The following DNAH2 variants were observed in gnomAD, a reference collection of about 807,000 sequenced individuals.
DNAH2 encodes dynein axonemal heavy chain 2, also known as axonemal beta dynein heavy chain 2.
In DNAH2, 323 loss-of-function variants were observed where a neutral mutation model predicts 523.5. That is an observed-to-expected ratio of 0.62 (90% CI 0.56 to 0.68). The LOEUF (loss-of-function observed/expected upper bound fraction) is 0.68. Among genes scored for constraint, DNAH2 ranks in the 30% least tolerant of loss-of-function variants. The pLI is 0.00. For missense variants in DNAH2, 4,907 were observed against 5,701.5 expected (o/e 0.86, Z 4.49); for synonymous variants, 2,093 against 2,177.4 (o/e 0.96, Z 1.08).
rs754090274 is a variant in DNAH2, at chr17:7,824,320, T to C, written c.11662+16T>C. 5.3e-6 allele frequency: 8 copies of C among 1,504,656 alleles called. No homozygotes were observed. The highest frequency in any genetic ancestry group is 2.3e-4 in the Middle Eastern group (1 of 4,418). 93.2% of individuals were successfully genotyped at this position (1,504,656 alleles called of 1,614,324 possible). ...GTGACTCAGGGTTGGTGTCCATCCT[T>C]TCTTCCACCCCCATCTTCAGCCCAG... On this transcript the variant is annotated intron_variant, in intron 76 of 85. Coordinates refer to ENST00000572933, the MANE Select transcript of DNAH2 (RefSeq NM_020877.5).
At chr17:7,737,756 C>T (rs564315628) in intron 8 of DNAH2, among the ~76,000 whole-genome samples, 22 of 152,186 alleles carry the variant, frequency 1.4e-4, no homozygotes, top group African/African-American at 5.1e-4. Context: ...TGGGCTGAGG[C>T]AGAGTAAGGG....
At position 7,830,682 on chromosome 17, in the gene DNAH2, T is replaced by C; in HGVS notation, c.12070T>C (p.Tyr4024His). The C allele has an allele frequency of 6.2e-7, 1 of 1,614,214 alleles. No individual in the cohort carries two copies. The highest frequency in any genetic ancestry group is 1.3e-5 in the African/African-American group (1 of 75,054). The change falls in exon 79 of 86, where the codon TAT (tyrosine) becomes CAT (histidine). Residue 4024 changes from tyrosine to histidine, a missense_variant. Around this residue, in one of 3 missense-constraint regions of DNAH2, gnomAD observed 1,851 missense variants for 2,139.4 expected, o/e 0.87. Coordinates refer to ENST00000572933, the MANE Select transcript of DNAH2 (RefSeq NM_020877.5). ...GGTGTCAGAAAACTTGCTGAGCCTC[T>C]ATCTCGATGAGTACGAGGAGACACC... is the stretch of plus-strand genomic sequence containing the variant. The part of the protein sequence containing the change: ...FEVSENLLSL[Y>H]LDEYEETPWD...
chr17:7,774,350 T>C (rs889188568), intron 28 of DNAH2, among the ~76,000 whole-genome samples: 7 of 152,034 alleles, frequency 4.6e-5, no homozygotes, highest in African/African-American at 1.4e-4. Flanking sequence ...AGCAGGATGG[T>C]GAGAGATTGC....
At chr17:7,808,411 C>T (rs1029916963) in intron 63 of DNAH2, among the ~76,000 whole-genome samples, 1 of 150,964 alleles carries the variant, frequency 6.6e-6, no homozygotes, top group Non-Finnish European at 1.5e-5. Flanking sequence ...GACTCCTGAA[C>T]CAGGCAGAAT....
chr17:7,817,388 G>C lies in DNAH2; in HGVS notation c.9993G>C (p.Glu3331Asp). The change falls in exon 65 of 86, where the codon GAG (glutamate) becomes GAC (aspartate). Residue 3331 changes from glutamate to aspartate, a missense_variant. Coordinates refer to ENST00000572933, the MANE Select transcript of DNAH2 (RefSeq NM_020877.5). The part of the protein sequence containing the change: ...MGPFLTNYRD[E>D]IVNQIWIGKI... ...CCTTCCTGACCAACTACCGGGATGA[G>C]ATTGTCAACCAAATCTGGATCGGGA... is the stretch of plus-strand genomic sequence containing the variant. 1 of 1,613,878 alleles carries C rather than the reference G, an allele frequency of 6.2e-7. No homozygotes were observed. Among genetic ancestry groups the C allele is most frequent in the Non-Finnish European group, 8.5e-7 (1 of 1,179,964 alleles).
In DNAH2 at chr17:7,821,133, T is replaced by TG; in HGVS notation, c.11016-108dup. The stretch of plus-strand genomic sequence containing the variant: ...TTTCCAGGAGGTTAGGATTAGAGGC[T>TG]GGTGAGGTCCTCTGTGTGAAGCTGT... On this transcript the variant is annotated intron_variant, in intron 72 of 85. Transcript: ENST00000572933. This position sits in a 1 kb window ranked among gnomAD's most constrained non-coding sequence, Gnocchi z 5.0. 5 of 1,447,296 alleles carry TG rather than the reference T, an allele frequency of 3.5e-6. No homozygotes were observed. 89.7% of individuals were successfully genotyped at this position (1,447,296 alleles called of 1,614,324 possible).
At chr17:7,733,007 A>C (rs1242160785) in intron 4 of DNAH2, 80 bp from the exon 5 acceptor site, 1 of 1,456,646 alleles carries the variant, frequency 6.9e-7, no homozygotes, top group East Asian at 2.3e-5. Context: ...GGACGTGAGA[A>C]AGAACTCAGC....
intron 49 of DNAH2, among the ~76,000 whole-genome samples, chr17:7,794,904 G>A (rs763248834): frequency 1.3e-4 from 20 of 151,900 alleles, no homozygotes; most frequent in Non-Finnish European, 2.4e-4. Flanking sequence ...ACAGGCGCCC[G>A]CCACCACGCC....
rs2075947186 is a variant in DNAH2, at chr17:7,759,567, T to A, written c.2594T>A (p.Val865Asp). 6.2e-7 allele frequency: 1 copy of A among 1,614,198 alleles called. No individual in the cohort carries two copies. The highest frequency in any genetic ancestry group is 1.1e-5 in the South Asian group (1 of 91,092). The change falls in exon 16 of 86, where the codon GTC (valine) becomes GAC (aspartate). Residue 865 changes from valine (V) to aspartate (D), a missense_variant. Val to Asp is a radical substitution (Grantham distance 152, BLOSUM62 -3). This residue lies in a region of DNAH2 where 2,806 missense variants were observed against 3,190.8 expected (regional missense o/e 0.88). Coordinates refer to ENST00000572933, the MANE Select transcript of DNAH2 (RefSeq NM_020877.5). ...ACCAGCCCAAACCCACTCTTCCAAG[T>A]CCTTGTCATTTTGAAGAATGATCTG... ...GKTSPNPLFQ[V>D]LVILKNDLQG... is the part of the protein sequence containing the mutation.
Position 7,831,442 on chromosome 17 carries a change from A to G in DNAH2, c.12512A>G (p.Tyr4171Cys), listed in dbSNP as rs373188569. Residue 4171 changes from tyrosine to cysteine, a missense_variant, in exon 81 of 86, where the codon TAT becomes TGT. By Grantham distance (194) the Tyr-to-Cys change is radical. Around this residue, in one of 3 missense-constraint regions of DNAH2, gnomAD observed 1,851 missense variants for 2,139.4 expected, o/e 0.87. Coordinates refer to ENST00000572933, the MANE Select transcript of DNAH2 (RefSeq NM_020877.5). This position sits in a 1 kb window ranked among gnomAD's most constrained non-coding sequence, Gnocchi z 4.2. ...CAGAAGATCCCTGAAATGATCGACT[A>G]TGAGGGGACTCAAAAACTGCTAGCT... ...VKQKIPEMID[Y>C]EGTQKLLALD... is the part of the protein sequence containing the mutation. 156 of 1,614,044 alleles carry G rather than the reference A, an allele frequency of 9.7e-5. No individual in the cohort carries two copies. The highest frequency in any genetic ancestry group is 1.2e-4 in the Non-Finnish European group (146 of 1,180,020).
At chr17:7,761,907 G>GAA (rs201158634) in intron 18 of DNAH2, among the ~76,000 whole-genome samples, 2 of 128,772 alleles carry the variant, frequency 1.6e-5, no homozygotes, top group Non-Finnish European at 3.4e-5. Context: ...GAGGAGTTAA[G>GAA]AAAAAAAAAA....
Position 7,759,881 on chromosome 17 carries a change from C to A in DNAH2, c.2728C>A (p.Leu910Ile), listed in dbSNP as rs943107061. The change falls in exon 17 of 86, where the codon CTC (leucine) becomes ATC (isoleucine). Residue 910 changes from leucine (L) to isoleucine (I), a missense_variant. Leu to Ile is a conservative substitution (Grantham distance 5, BLOSUM62 2). This residue lies in a region of DNAH2 where 2,806 missense variants were observed against 3,190.8 expected (regional missense o/e 0.88). Transcript: ENST00000572933. ...TTCCACCATCTCTGTCTTCTGCCACCTCCCTGACATTCTCACCAAGCGCAA... is the reference window on the plus strand; with the variant it reads ...TTCCACCATCTCTGTCTTCTGCCACATCCCTGACATTCTCACCAAGCGCAA... ...LFSTISVFCH[L>I]PDILTKRKLH... 5 of 1,614,232 alleles carry A rather than the reference C, an allele frequency of 3.1e-6. No individual in the cohort carries two copies. In the South Asian group the frequency reaches 5.5e-5, roughly 18 times the overall value.
In DNAH2 at chr17:7,758,612, T is replaced by A; in HGVS notation, c.2169T>A (p.Ser723Arg). The stretch of plus-strand genomic sequence containing the variant: ...TGCACTGGGCCTTGAAGGGGGCCAG[T>A]GCCTTCTTCATCACGGAGTGCCGTA... Reference protein sequence around the residue: ...KKLHWALKGASAFFITECRIH... With the variant: ...KKLHWALKGARAFFITECRIH... The change falls in exon 14 of 86, where the codon AGT (serine) becomes AGA (arginine). Residue 723 changes from serine to arginine, a missense_variant. Physicochemically the swap from Ser to Arg is moderately radical, Grantham distance 110. Coordinates refer to ENST00000572933, the MANE Select transcript of DNAH2 (RefSeq NM_020877.5). 1 of 1,614,100 alleles carries A rather than the reference T, an allele frequency of 6.2e-7. No individual in the cohort carries two copies.
At chr17:7,755,877 G>A (rs2075821047) in intron 12 of DNAH2, among the ~76,000 whole-genome samples, 1 of 151,028 alleles carries the variant, frequency 6.6e-6, no homozygotes, top group Non-Finnish European at 1.5e-5. Context: ...TTGGCTAACT[G>A]CAACCTCCAC....
chr17:7,814,523 T>C (rs993157758), intron 63 of DNAH2, among the ~76,000 whole-genome samples: 3 of 152,216 alleles, frequency 2.0e-5, no homozygotes, highest in African/African-American at 7.2e-5. Flanking sequence ...ATACGCATAA[T>C]TTTTCAGAGA....
At chr17:7,723,421 C>T (rs949911410) in intron 2 of DNAH2, among the ~76,000 whole-genome samples, 64 of 151,418 alleles carry the variant, frequency 4.2e-4, no homozygotes, top group Admixed American at 1.3e-3. Context: ...TACAGACACC[C>T]GCCACCACAC....
Position 7,768,191 on chromosome 17 carries a change from A to C in DNAH2, c.3865A>C (p.Thr1289Pro). Residue 1289 changes from threonine to proline, a missense_variant, in exon 24 of 86, where the codon ACT becomes CCT. Transcript: ENST00000572933. ...KDRNWEIIET[T>P]RSKIEQFKRT... is the part of the protein sequence containing the mutation. ...CCGAAACTGGGAAATTATTGAAACC[A>C]CTCGCTCAAAAATAGAGCAGTTCAA... is the stretch of plus-strand genomic sequence containing the variant. 1 of 1,614,032 alleles carries C rather than the reference A, an allele frequency of 6.2e-7. No individual in the cohort carries two copies. Among genetic ancestry groups the C allele is most frequent in the Non-Finnish European group, 8.5e-7 (1 of 1,179,984 alleles).
At chr17:7,818,847 A>G (rs1597764846) in intron 70 of DNAH2, 71 bp downstream of exon 70, 2 of 1,608,832 alleles carry the variant, frequency 1.2e-6, no homozygotes, top group Non-Finnish European at 1.7e-6. Flanking sequence ...AGTCTACCCC[A>G]GGCACAACAG....
At position 7,777,503 on chromosome 17, in the gene DNAH2, C is replaced by A. The variant is rs778506711; in HGVS notation, c.5116C>A (p.Arg1706=). The change falls in exon 33 of 86, where the codon CGG becomes AGG. Residue 1706 remains arginine, a synonymous_variant. Transcript: ENST00000572933. The part of the protein sequence containing the change: ...AIRGNLTKIM[R]LKIVALVTIE... ...CAGGGGGAACTTGACCAAGATCATG[C>A]GGCTTAAAATTGTGGCTCTGGTGAC... 3.1e-6 allele frequency: 5 copies of A among 1,614,140 alleles called. No individual in the cohort carries two copies. Among genetic ancestry groups the A allele is most frequent in the Non-Finnish European group, 4.2e-6 (5 of 1,180,026 alleles).
Sources: gnomAD v4.1 joint callset for allele counts (sites outside exome capture counted in the v4.1 genomes callset) on GRCh38, gnomAD v4.1.1 for gene constraint, gnomAD v4.1.1 regional missense constraint, Gnocchi (gnomAD v3.1) non-coding constraint, MANE v1.5 for transcripts, NCBI Gene and HGNC (gene_info 2026-07-23, HGNC 2026-07-21) for gene names.